Variants in CNTNAP2 observed in about 807,000 individuals in gnomAD.
CNTNAP2 encodes contactin associated protein 2.
Under a neutral mutation model 155.2 loss-of-function variants are expected in CNTNAP2, and 98 were observed. The ratio of observed to expected loss-of-function variants is 0.63; its 90% CI spans 0.54 to 0.75. The LOEUF is 0.75. Ranked by LOEUF, CNTNAP2 falls within the 30% of genes least tolerant of loss-of-function variation. The pLI is 0.00. For missense variants in CNTNAP2, 1,727 were observed against 1,688.1 expected (o/e 1.02, Z -0.40); for synonymous variants, 651 against 631.2 (o/e 1.03, Z -0.47).
rs568498025 is a variant in CNTNAP2 at position 146,181,950 on chromosome 7, C to G, written c.97+64977C>G. Reference sequence around the variant, plus strand: ...TATGTTGATGTGCAGGCTCATTGGTCATGTAGGTTAGCTTAGAGCTTATAT... The same window carrying G: ...TATGTTGATGTGCAGGCTCATTGGTGATGTAGGTTAGCTTAGAGCTTATAT... On this transcript the variant is annotated intron_variant, in intron 1 of 23. Coordinates refer to ENST00000361727, the MANE Select transcript of CNTNAP2 (RefSeq NM_014141.6). Among the ~76,000 whole-genome samples the G allele has an allele frequency of 2.0e-5, 3 of 152,022 alleles. No individual in the cohort carries two copies. In the South Asian group the frequency reaches 6.2e-4, roughly 32 times the overall value.
At chr7:146,979,847 G>T (rs906062837) in intron 3 of CNTNAP2, among the ~76,000 whole-genome samples, 1 of 152,170 alleles carries the variant, frequency 6.6e-6, no homozygotes, top group African/African-American at 2.4e-5. Context: ...TAAAAGAGAA[G>T]AGTAAAATAT....
chr7:147,151,820 C>CG (rs1320528550), intron 8 of CNTNAP2, among the ~76,000 whole-genome samples: 14 of 152,158 alleles, frequency 9.2e-5, no homozygotes, highest in African/African-American at 3.4e-4. Flanking sequence ...CATGTTTTCA[C>CG]TGCTCCTGAG....
At chr7:147,464,853 T>C (rs1162634698) in intron 10 of CNTNAP2, among the ~76,000 whole-genome samples, 2 of 152,218 alleles carry the variant, frequency 1.3e-5, no homozygotes, top group African/African-American at 4.8e-5. Context: ...GGAGTGAATA[T>C]AACATTAGAT....
chr7:147,150,739 A>T (rs1273841794), intron 8 of CNTNAP2, among the ~76,000 whole-genome samples: 1 of 152,150 alleles, frequency 6.6e-6, no homozygotes, highest in Admixed American at 6.5e-5. Context: ...CCCACTCCTT[A>T]TGAGAAATCT....
chr7:146,214,400 A>G (rs1799082658), intron 1 of CNTNAP2, among the ~76,000 whole-genome samples: 1 of 152,206 alleles, frequency 6.6e-6, no homozygotes, highest in Non-Finnish European at 1.5e-5. Context: ...CATTGTTTAC[A>G]TTTACATACC....
chr7:148,331,594 A>ACGGATGGATGGAATGGACGGATGGAG (rs1798014870), intron 21 of CNTNAP2, among the ~76,000 whole-genome samples: 2 of 10,684 alleles, frequency 1.9e-4, no homozygotes, highest in Admixed American at 9.1e-4. Context: ...GATGGATGGA[A>ACGGATGGATGGAATGGACGGATGGAG]TGGATGGATG....
At chr7:147,833,372 G>T (rs1798585853) in intron 13 of CNTNAP2, among the ~76,000 whole-genome samples, 1 of 152,128 alleles carries the variant, frequency 6.6e-6, no homozygotes, top group Non-Finnish European at 1.5e-5. Flanking sequence ...AAAATAAGGA[G>T]CTGTGATAGA....
At chr7:146,240,885 T>C (rs544386136) in intron 1 of CNTNAP2, among the ~76,000 whole-genome samples, 2 of 152,340 alleles carry the variant, frequency 1.3e-5, no homozygotes, top group African/African-American at 4.8e-5. Flanking sequence ...CTCATGGCTC[T>C]GCACGCTGTA....
intron 3 of CNTNAP2, among the ~76,000 whole-genome samples, chr7:146,865,144 C>G (rs1033370551): frequency 6.6e-6 from 1 of 151,682 alleles, no homozygotes; most frequent in Non-Finnish European, 1.5e-5. Flanking sequence ...GAAATACTAA[C>G]AGTTAATTAT....
intron 1 of CNTNAP2, among the ~76,000 whole-genome samples, chr7:146,294,107 G>A (rs1800475418): frequency 6.6e-6 from 1 of 152,192 alleles, no homozygotes; most frequent in African/African-American, 2.4e-5. Context: ...CTTCTGGCTA[G>A]TGATTAGAGC....
chr7:146,525,117 G>A (rs1797669463), intron 1 of CNTNAP2, among the ~76,000 whole-genome samples: 1 of 151,884 alleles, frequency 6.6e-6, no homozygotes, highest in African/African-American at 2.4e-5. Flanking sequence ...AACGGAATAA[G>A]TTGATCATGG....
At chr7:147,139,433 A>T in intron 8 of CNTNAP2, among the ~76,000 whole-genome samples, 1 of 152,128 alleles carries the variant, frequency 6.6e-6, no homozygotes, top group East Asian at 1.9e-4. Context: ...TGAAACAATC[A>T]GGGATGATGT....
intron 8 of CNTNAP2, among the ~76,000 whole-genome samples, chr7:147,196,153 C>A (rs568953890): frequency 4.6e-5 from 7 of 152,290 alleles, no homozygotes; most frequent in African/African-American, 1.7e-4. Context: ...CCTGCTCACA[C>A]CTTGGTCGCA....
Position 148,118,140 on chromosome 7 carries a change from T to G in CNTNAP2, c.2406T>G (p.Ser802=). Residue 802 remains serine (S), a synonymous_variant, in exon 16 of 24, where the codon TCT becomes TCG. Transcript: ENST00000361727. ...QGDRNYWNAA[S]FPNPSSYLHF... The stretch of plus-strand genomic sequence containing the variant: ...CAGGGAATTATTGGAATGCCGCCTC[T>G]TTCCCAAACCCATCCTCCTACCTGC... 1 of 1,614,192 alleles carries G rather than the reference T, an allele frequency of 6.2e-7. No individual in the cohort carries two copies. The highest frequency in any genetic ancestry group is 1.1e-5 in the South Asian group (1 of 91,088).
At chr7:146,252,596 A>T (rs941981610) in intron 1 of CNTNAP2, among the ~76,000 whole-genome samples, 3 of 152,254 alleles carry the variant, frequency 2.0e-5, no homozygotes, top group African/African-American at 7.2e-5. Flanking sequence ...GCAGGAAAAA[A>T]GGAAGAGTCT....
At chr7:147,567,100 C>A (rs1800189979) in intron 12 of CNTNAP2, among the ~76,000 whole-genome samples, 1 of 151,984 alleles carries the variant, frequency 6.6e-6, no homozygotes, top group African/African-American at 2.4e-5. Context: ...GAATAATGAA[C>A]CTTCTAAGGA....
intron 4 of CNTNAP2, among the ~76,000 whole-genome samples, chr7:147,055,846 T>A (rs563513446): frequency 6.6e-6 from 1 of 152,170 alleles, no homozygotes; most frequent in South Asian, 2.1e-4. Context: ...CAGCGTCTTT[T>A]TATTGGAGGA....
chr7:146,451,984 CT>C (rs1212366009), intron 1 of CNTNAP2, among the ~76,000 whole-genome samples: 1 of 151,524 alleles, frequency 6.6e-6, no homozygotes, highest in Non-Finnish European at 1.5e-5. Flanking sequence ...TCTCGACTCA[CT>C]GCAACCTCTG....
intron 12 of CNTNAP2, among the ~76,000 whole-genome samples, chr7:147,587,800 T>C (rs1386399131): frequency 6.6e-6 from 1 of 152,168 alleles, no homozygotes; most frequent in African/African-American, 2.4e-5. Context: ...CTGGCATTTG[T>C]TTTTAAAAAT....
Sources: allele counts gnomAD v4.1 joint callset (sites outside exome capture counted in the v4.1 genomes callset), GRCh38; gene constraint gnomAD v4.1.1; transcripts MANE v1.5; gene names NCBI Gene and HGNC (gene_info 2026-07-23, HGNC 2026-07-21).